PATJ: variants seen among roughly 807,000 people sequenced by gnomAD.
The protein encoded by PATJ is inaD-like protein.
Under a neutral mutation model 224.9 loss-of-function variants are expected in PATJ, and 190 were observed. The observed-to-expected ratio is 0.84, with a 90% confidence interval of 0.75 to 0.95. The LOEUF (loss-of-function observed/expected upper bound fraction) is 0.95. PATJ is among the 40% of genes least tolerant of loss of function. The probability of loss-of-function intolerance (pLI) is 0.00; values close to 1 mark genes in which losing one functional copy is unlikely to be tolerated. For synonymous variants in PATJ, 769 were observed against 820.3 expected (o/e 0.94, Z 1.07); for missense variants, 2,121 against 2,270.3 (o/e 0.93, Z 1.34).
intron 28 of PATJ, among the ~76,000 whole-genome samples, chr1:62,005,248 G>T (rs1249750808): frequency 6.6e-6 from 1 of 151,744 alleles, no homozygotes; most frequent in Middle Eastern, 3.4e-3. Context: ...CTATTCTTGT[G>T]CCTCAGCTTC....
chr1:61,902,829 G>A (rs964412701), intron 24 of PATJ, among the ~76,000 whole-genome samples: 2 of 152,100 alleles, frequency 1.3e-5, no homozygotes, highest in Non-Finnish European at 2.9e-5. Context: ...TGGGGATGGT[G>A]AAAGCAATAG....
At chr1:61,843,652 A>G (rs1166438338) in intron 17 of PATJ, among the ~76,000 whole-genome samples, 1 of 151,530 alleles carries the variant, frequency 6.6e-6, no homozygotes, top group Non-Finnish European at 1.5e-5. Context: ...CCAGGAGTTC[A>G]GAGGCTGCAG....
At chr1:62,003,745 C>T (rs905448174) in intron 28 of PATJ, among the ~76,000 whole-genome samples, 2 of 152,174 alleles carry the variant, frequency 1.3e-5, no homozygotes, top group Non-Finnish European at 1.5e-5. Flanking sequence ...CCTGTCCCAT[C>T]CCTAGCCTGG....
chr1:61,771,983 A>C (rs113093069), intron 6 of PATJ, among the ~76,000 whole-genome samples: 157 of 152,118 alleles, frequency 1.0e-3, no homozygotes, highest in African/African-American at 3.7e-3. Flanking sequence ...TGGCCTCTCA[A>C]AGTGCTAGGA....
At chr1:62,115,901 A>G (rs745463242) in intron 35 of PATJ, among the ~76,000 whole-genome samples, 1 of 152,068 alleles carries the variant, frequency 6.6e-6, no homozygotes, top group Non-Finnish European at 1.5e-5. Flanking sequence ...CCATAGAACC[A>G]TCACTCTGAA....
Position 62,106,679 on chromosome 1 carries a change from G to C in PATJ, c.4378-1758G>C, listed in dbSNP as rs184580761. On this transcript the variant is annotated intron_variant, in intron 33 of 43. Transcript: ENST00000642238. ...TTTTGGTGGCTCGTTAACTCCAAAGGGTACCAACCAAACACCCAGACATTG... is the reference window on the plus strand; with the variant it reads ...TTTTGGTGGCTCGTTAACTCCAAAGCGTACCAACCAAACACCCAGACATTG... Among the ~76,000 whole-genome samples, 358 of 152,000 alleles carry C rather than the reference G, an allele frequency of 2.4e-3. 2 individuals are homozygous for C. Among genetic ancestry groups the C allele is most frequent in the African/African-American group, 8.3e-3 (343 of 41,470 alleles).
intron 17 of PATJ, among the ~76,000 whole-genome samples, chr1:61,836,388 T>G (rs531958909): frequency 2.0e-5 from 3 of 152,226 alleles, no homozygotes; most frequent in Non-Finnish European, 4.4e-5. Context: ...TAGATATTCT[T>G]TTTGTCTTTG....
intron 17 of PATJ, among the ~76,000 whole-genome samples, chr1:61,849,455 A>G (rs896623870): frequency 6.6e-6 from 1 of 152,000 alleles, no homozygotes; most frequent in African/African-American, 2.4e-5. Context: ...ATTTAGCTGA[A>G]TGTGGTGTAC....
intron 26 of PATJ, among the ~76,000 whole-genome samples, chr1:61,915,288 A>G (rs964543120): frequency 2.0e-5 from 3 of 152,218 alleles, no homozygotes; most frequent in South Asian, 2.1e-4. Context: ...TTGCAGTCCA[A>G]CTCTGCTGTA....
chr1:61,997,512 T>C (rs940643199), intron 28 of PATJ, among the ~76,000 whole-genome samples: 2 of 152,178 alleles, frequency 1.3e-5, no homozygotes, highest in Admixed American at 6.5e-5. Flanking sequence ...TAAAAGAAAT[T>C]GAGAGTGTGG....
intron 7 of PATJ, among the ~76,000 whole-genome samples, chr1:61,779,568 A>G (rs1647131150): frequency 6.6e-6 from 1 of 152,222 alleles, no homozygotes; most frequent in Non-Finnish European, 1.5e-5. Context: ...AGTCAGCACC[A>G]CAGCCCAGAT....
intron 27 of PATJ, among the ~76,000 whole-genome samples, chr1:61,970,756 G>A (rs1411394309): frequency 6.6e-6 from 1 of 152,026 alleles, no homozygotes; most frequent in Admixed American, 6.5e-5. Flanking sequence ...GCCTCCCAAA[G>A]CTCTGGGATT....
chr1:61,745,717 C>T (rs926197363), intron 1 of PATJ, among the ~76,000 whole-genome samples: 1 of 151,550 alleles, frequency 6.6e-6, no homozygotes, highest in African/African-American at 2.4e-5. Flanking sequence ...GCTTCTCTTG[C>T]CTCAGCTTCC....
Position 62,161,893 on chromosome 1 carries a change from GAA to G in PATJ, c.*841_*842del, listed in dbSNP as rs1669867008. The G allele has an allele frequency of 1.3e-5, 2 of 152,308 alleles. No individual in the cohort carries two copies. The highest frequency in any genetic ancestry group is 2.9e-5 in the Non-Finnish European group (2 of 68,026). 9.4% of individuals were successfully genotyped at this position (152,308 alleles called of 1,614,324 possible). On this transcript the variant is annotated 3_prime_UTR_variant, in exon 44 of 44. Transcript: ENST00000642238. ...TTAATTTACCAGTGATCCCCAAGAT[GAA>G]ATACCAGATTCTCCTATGGGAAATT...
At chr1:61,954,341 A>G (rs922178095) in intron 27 of PATJ, among the ~76,000 whole-genome samples, 3 of 152,198 alleles carry the variant, frequency 2.0e-5, no homozygotes, top group African/African-American at 4.8e-5. Flanking sequence ...TAGAATTATA[A>G]ATAAAGGATG....
intron 22 of PATJ, among the ~76,000 whole-genome samples, chr1:61,890,226 C>A (rs1182267452): frequency 6.6e-6 from 1 of 152,142 alleles, no homozygotes; most frequent in Non-Finnish European, 1.5e-5. Flanking sequence ...CGCCTGTAAT[C>A]CCAGCACTTT....
intron 31 of PATJ, among the ~76,000 whole-genome samples, chr1:62,074,679 C>T (rs1658003503): frequency 6.6e-6 from 1 of 152,108 alleles, no homozygotes; most frequent in Admixed American, 6.6e-5. Flanking sequence ...TTTATATACT[C>T]CCGGCTGGGC....
chr1:61,988,432 A>G (rs1487074407), intron 27 of PATJ, among the ~76,000 whole-genome samples: 1 of 152,166 alleles, frequency 6.6e-6, no homozygotes, highest in Non-Finnish European at 1.5e-5. Context: ...GTCTCTATTC[A>G]TTCAAGTACC....
At chr1:61,986,947 C>CTT (rs61639925) in intron 27 of PATJ, among the ~76,000 whole-genome samples, 17 of 150,778 alleles carry the variant, frequency 1.1e-4, no homozygotes, top group African/African-American at 3.4e-4. Flanking sequence ...AGTTATAATA[C>CTT]TTTTTTTTTA....
Sources: gnomAD v4.1 joint callset for allele counts (sites outside exome capture counted in the v4.1 genomes callset) on GRCh38, gnomAD v4.1.1 for gene constraint, MANE v1.5 for transcripts, NCBI Gene and HGNC (gene_info 2026-07-23, HGNC 2026-07-21) for gene names.